Variants in RBMS3 observed in about 807,000 individuals in gnomAD.
RBMS3 encodes the protein RNA binding motif single stranded interacting protein 3.
In RBMS3, 27 loss-of-function variants were observed where a neutral mutation model predicts 66.8. The ratio of observed to expected loss-of-function variants is 0.40; its 90% confidence interval spans 0.30 to 0.56. The LOEUF (loss-of-function observed/expected upper bound fraction) is 0.56. Among genes scored for constraint, RBMS3 ranks in the 20% least tolerant of loss-of-function variants. RBMS3 has a pLI of 0.40. For synonymous variants in RBMS3, 188 were observed against 183.0 expected (o/e 1.03, Z -0.22); for missense variants, 513 against 549.5 (o/e 0.93, Z 0.66).
chr3:29,970,007 A>G (rs1361190797), intron 12 of RBMS3, among the ~76,000 whole-genome samples: 1 of 152,290 alleles, frequency 6.6e-6, no homozygotes, highest in African/African-American at 2.4e-5. Context: ...TCAAACCTAC[A>G]TATTTTTATT....
chr3:29,681,183 T>C (rs903662657), intron 4 of RBMS3, among the ~76,000 whole-genome samples: 1 of 152,230 alleles, frequency 6.6e-6, no homozygotes, highest in African/African-American at 2.4e-5. Context: ...CTGCACTTAC[T>C]GAATGATTTC....
intron 1 of RBMS3, among the ~76,000 whole-genome samples, chr3:29,320,704 G>C (rs942446453): frequency 6.6e-6 from 1 of 151,986 alleles, no homozygotes; most frequent in Non-Finnish European, 1.5e-5. Flanking sequence ...AGTCATAAGA[G>C]ATGTATTATA....
intron 4 of RBMS3, among the ~76,000 whole-genome samples, chr3:29,703,258 C>A: frequency 6.6e-6 from 1 of 152,154 alleles, no homozygotes; most frequent in East Asian, 1.9e-4. Flanking sequence ...GTACTGTCTT[C>A]TCCATGGAAA....
chr3:29,604,712 G>A (rs1210641537), intron 4 of RBMS3, among the ~76,000 whole-genome samples: 1 of 151,886 alleles, frequency 6.6e-6, no homozygotes, highest in Admixed American at 6.6e-5. Flanking sequence ...TTATGCTTCT[G>A]GATAATTTGC....
chr3:29,899,706 T>C lies in RBMS3; in HGVS notation c.890T>C (p.Val297Ala), dbSNP rs1424147559. Reference sequence around the variant, plus strand: ...TAATAAATGCTGTTTGATGCATAGGTCCAGAGTACTTCATGGATGCCTCAT... The same window carrying C: ...TAATAAATGCTGTTTGATGCATAGGCCCAGAGTACTTCATGGATGCCTCAT... ...IAASPVSTYQ[V>A]QSTSWMPHPP... Residue 297 changes from valine to alanine, a missense_variant and splice_region_variant, in exon 10 of 15, where the codon GTC (valine) becomes GCC (alanine). By Grantham distance (64) the Val-to-Ala change is moderately conservative. Transcript: ENST00000383767. 6.2e-7 allele frequency: 1 copy of C among 1,610,306 alleles called. No individual in the cohort carries two copies. The highest frequency in any genetic ancestry group is 1.1e-5 in the South Asian group (1 of 90,908).
At chr3:29,813,641 C>T (rs2057788630) in intron 6 of RBMS3, among the ~76,000 whole-genome samples, 1 of 152,134 alleles carries the variant, frequency 6.6e-6, no homozygotes, top group Non-Finnish European at 1.5e-5. Context: ...TTGTTTCTAT[C>T]CTCTTTTTTT....
intron 1 of RBMS3, among the ~76,000 whole-genome samples, chr3:29,381,166 G>A (rs2038748225): frequency 6.6e-6 from 1 of 152,116 alleles, no homozygotes; most frequent in African/African-American, 2.4e-5. Context: ...GAGGTCATAT[G>A]ACCCCCTGCT....
chr3:29,351,298 A>G (rs991453471), intron 1 of RBMS3, among the ~76,000 whole-genome samples: 6 of 152,124 alleles, frequency 3.9e-5, no homozygotes, highest in Non-Finnish European at 8.8e-5. Context: ...GTATTACATC[A>G]AAGAAATCCT....
intron 3 of RBMS3, among the ~76,000 whole-genome samples, chr3:29,541,757 T>C (rs2045768992): frequency 6.6e-6 from 1 of 152,192 alleles, no homozygotes. Context: ...GGCAAGGTCT[T>C]ACATCTTCTG....
Position 29,757,664 on chromosome 3 carries a change from A to G in RBMS3, c.558-5246A>G, listed in dbSNP as rs148874363. On this transcript the variant is annotated intron_variant, in intron 5 of 14. Coordinates refer to ENST00000383767, the MANE Select transcript of RBMS3 (RefSeq NM_001003793.3). ...TAGTTTTCTGATAATTTTAATGTAC[A>G]GTGATTTTAAAAGCTTCTTATTTTG... is the stretch of plus-strand genomic sequence containing the variant. Among the ~76,000 whole-genome samples, 975 of 152,338 alleles carry G rather than the reference A, an allele frequency of 6.4e-3. 12 individuals are homozygous for G. Among genetic ancestry groups the G allele is most frequent in the African/African-American group, 0.022 (926 of 41,594 alleles).
intron 3 of RBMS3, among the ~76,000 whole-genome samples, chr3:29,585,218 G>T (rs376513748): frequency 6.6e-6 from 1 of 152,114 alleles, no homozygotes; most frequent in African/African-American, 2.4e-5. Context: ...GTACAAGGTG[G>T]TTCCCATGTC....
chr3:29,639,239 AAGTT>A (rs751307577), intron 4 of RBMS3, among the ~76,000 whole-genome samples: 74 of 151,944 alleles, frequency 4.9e-4, no homozygotes, highest in Non-Finnish European at 8.7e-4. Context: ...CTTTTACAAA[AAGTT>A]AGAAATGACT....
chr3:29,590,404 CA>C lies in RBMS3; in HGVS notation c.399+3202del, dbSNP rs1357557529. Among the ~76,000 whole-genome samples, 5 of 152,160 alleles carry C rather than the reference CA, an allele frequency of 3.3e-5. No homozygotes were observed. The South Asian group carries it at 8.3e-4, about 25-fold the overall frequency. ...AATAAATATTGTTATACATTTAATT[CA>C]AATTTGCTACTAAACCTTCTATAAA... On this transcript the variant is annotated intron_variant, in intron 4 of 14. Transcript: ENST00000383767.
At chr3:29,343,248 A>G (rs1208554672) in intron 1 of RBMS3, among the ~76,000 whole-genome samples, 3 of 152,148 alleles carry the variant, frequency 2.0e-5, no homozygotes, top group Admixed American at 6.6e-5. Flanking sequence ...ATTTGCATAA[A>G]TAATGCCGTT....
At chr3:29,386,076 C>G (rs2038996460) in intron 1 of RBMS3, among the ~76,000 whole-genome samples, 1 of 152,114 alleles carries the variant, frequency 6.6e-6, no homozygotes, top group Admixed American at 6.5e-5. Flanking sequence ...TCGCTTGTCC[C>G]TCTCTCTTCT....
chr3:29,990,608 A>C lies in RBMS3; in HGVS notation c.1180-474A>C, dbSNP rs144826041. The stretch of plus-strand genomic sequence containing the variant: ...AAATCAAATCAAATTACTGGAGAGA[A>C]AAATCTACTTAATAGCATCCTTTAA... On this transcript the variant is annotated intron_variant, in intron 13 of 14. Transcript: ENST00000383767. 4.5e-4 allele frequency among the ~76,000 whole-genome samples: 68 copies of C among 152,326 alleles called. 1 individual carries two copies. In the East Asian group the frequency reaches 0.012, roughly 28 times the overall value.
chr3:29,393,307 T>C (rs1462738645), intron 1 of RBMS3, among the ~76,000 whole-genome samples: 1 of 152,168 alleles, frequency 6.6e-6, no homozygotes, highest in Non-Finnish European at 1.5e-5. Context: ...TGAAAATAAA[T>C]ACAGCATAAT....
At chr3:29,491,778 G>A (rs189256392) in intron 3 of RBMS3, among the ~76,000 whole-genome samples, 53 of 152,330 alleles carry the variant, frequency 3.5e-4, no homozygotes, top group African/African-American at 1.3e-3. Flanking sequence ...CGGATCACAA[G>A]GTCAGGAGAT....
chr3:29,776,831 T>C (rs914003370), intron 6 of RBMS3, among the ~76,000 whole-genome samples: 2 of 152,004 alleles, frequency 1.3e-5, no homozygotes, highest in Admixed American at 1.3e-4. Flanking sequence ...TTGAGCCTTA[T>C]GTACAGCTCA....
Sources: allele counts gnomAD v4.1 joint callset (sites outside exome capture counted in the v4.1 genomes callset), GRCh38; gene constraint gnomAD v4.1.1; transcripts MANE v1.5; gene names NCBI Gene and HGNC (gene_info 2026-07-23, HGNC 2026-07-21).